STAG1: variants seen among roughly 807,000 people sequenced by gnomAD.
STAG1 encodes STAG1 cohesin complex component, also known as cohesin subunit SA-1.
A neutral mutation model predicts 170.9 loss-of-function variants in STAG1; 26 were observed. The observed-to-expected ratio is 0.15, with a 90% CI of 0.11 to 0.21. STAG1 has a LOEUF of 0.21. Ranked by LOEUF, STAG1 falls within the 10% of genes least tolerant of loss-of-function variation. The pLI is 1.00. For synonymous variants in STAG1, 514 were observed against 497.7 expected, an observed-to-expected ratio of 1.03 and a Z score of -0.44; for missense variants, 964 against 1,509.5, an observed-to-expected ratio of 0.64 and a Z score of 5.99.
chr3:136,554,458 T>C (rs1370425289), intron 5 of STAG1, among the ~76,000 whole-genome samples: 19 of 152,136 alleles, frequency 1.2e-4, no homozygotes, highest in Non-Finnish European at 2.6e-4. Context: ...TAAGGGCACA[T>C]GAAACATTAG....
At chr3:136,644,414 T>G (rs1940920194) in intron 1 of STAG1, among the ~76,000 whole-genome samples, 1 of 152,286 alleles carries the variant, frequency 6.6e-6, no homozygotes, top group Non-Finnish European at 1.5e-5. Flanking sequence ...GCAATCATCT[T>G]GATTAAATAT....
intron 9 of STAG1, chr3:136,499,771 C>T (rs1184577309): frequency 6.6e-6 from 1 of 150,610 alleles, no homozygotes; most frequent in Admixed American, 6.6e-5. Flanking sequence ...ACAGTTGTTG[C>T]ATTAACTGCG....
intron 24 of STAG1, among the ~76,000 whole-genome samples, chr3:136,367,605 A>T (rs1317964413): frequency 6.6e-6 from 1 of 152,172 alleles, no homozygotes; most frequent in Non-Finnish European, 1.5e-5. Flanking sequence ...TTATGTGTTA[A>T]TACATTCTCA....
rs2089677133 is a variant in STAG1, at chr3:136,473,653, T to A, written c.1027-16A>T. On this transcript the variant is annotated splice_polypyrimidine_tract_variant and intron_variant, in intron 10 of 33. Transcript: ENST00000383202. ...CTTCCCCTTGCTTCAGAAATACAAA[T>A]AAAAGCACAACAGAAGGAGTCAATT... The A allele has an allele frequency of 1.3e-6, 2 of 1,592,624 alleles. No homozygotes were observed. The highest frequency in any genetic ancestry group is 2.2e-5 in the South Asian group (2 of 90,308).
intron 1 of STAG1, among the ~76,000 whole-genome samples, chr3:136,637,453 T>C (rs1940611834): frequency 6.6e-6 from 1 of 152,168 alleles, no homozygotes; most frequent in Non-Finnish European, 1.5e-5. Flanking sequence ...GGGATAGCGA[T>C]GAGGTTCACT....
At chr3:136,354,754 CA>C in intron 28 of STAG1, among the ~76,000 whole-genome samples, 1 of 6,506 alleles carries the variant, frequency 1.5e-4, no homozygotes, top group Non-Finnish European at 2.4e-4. Flanking sequence ...GAGAAAGAAC[CA>C]AAAAAAAAAA....
intron 3 of STAG1, among the ~76,000 whole-genome samples, chr3:136,604,793 G>A (rs1346011157): frequency 1.3e-5 from 2 of 152,020 alleles, no homozygotes; most frequent in African/African-American, 4.8e-5. Flanking sequence ...TGAGATTACA[G>A]ACCCCACCAC....
At chr3:136,732,334 G>T (rs1934091014) in intron 1 of STAG1, among the ~76,000 whole-genome samples, 1 of 150,722 alleles carries the variant, frequency 6.6e-6, no homozygotes, top group South Asian at 2.1e-4. Context: ...ATTTTGTCTA[G>T]AGGTAACTTT....
chr3:136,591,549 T>C (rs1335881792), intron 4 of STAG1: 1 of 430,222 alleles, frequency 2.3e-6, no homozygotes, highest in Non-Finnish European at 4.6e-6. Flanking sequence ...GGTCAACATC[T>C]CTATTTGAAA....
intron 1 of STAG1, among the ~76,000 whole-genome samples, chr3:136,739,706 C>G (rs1934555559): frequency 6.6e-6 from 1 of 151,728 alleles, no homozygotes; most frequent in Non-Finnish European, 1.5e-5. Context: ...CACCTGTAGT[C>G]CCAGCTACTC....
chr3:136,700,881 T>TC (rs1423252045), intron 1 of STAG1, among the ~76,000 whole-genome samples: 10 of 132,842 alleles, frequency 7.5e-5, no homozygotes, highest in Admixed American at 6.0e-4. Flanking sequence ...TTTTTCTTTT[T>TC]TTTTTTTTTT....
chr3:136,630,269 T>C (rs1940279296), intron 2 of STAG1, among the ~76,000 whole-genome samples: 1 of 151,752 alleles, frequency 6.6e-6, no homozygotes, highest in African/African-American at 2.4e-5. Flanking sequence ...TGGGACGCCA[T>C]CAAAAATGTC....
chr3:136,548,026 T>G (rs1473180681), intron 5 of STAG1, among the ~76,000 whole-genome samples: 1 of 152,176 alleles, frequency 6.6e-6, no homozygotes, highest in Non-Finnish European at 1.5e-5. Context: ...AAAGGTAAGT[T>G]GTCCATACAT....
At chr3:136,662,559 C>T (rs979913560) in intron 1 of STAG1, among the ~76,000 whole-genome samples, 2 of 152,072 alleles carry the variant, frequency 1.3e-5, no homozygotes, top group Non-Finnish European at 2.9e-5. Context: ...ACTTCCCACA[C>T]CTCAGCCTCC....
chr3:136,374,953 T>C (rs1312641666), intron 23 of STAG1, among the ~76,000 whole-genome samples: 1 of 152,174 alleles, frequency 6.6e-6, no homozygotes, highest in Non-Finnish European at 1.5e-5. Context: ...TAGATATGTT[T>C]AGATATATAA....
chr3:136,549,547 T>C (rs922469315), intron 5 of STAG1, among the ~76,000 whole-genome samples: 1 of 152,132 alleles, frequency 6.6e-6, no homozygotes, highest in African/African-American at 2.4e-5. Flanking sequence ...GTGATCTGCC[T>C]GCCTCAGCCT....
At chr3:136,463,728 T>G (rs1302693063) in intron 13 of STAG1, among the ~76,000 whole-genome samples, 1 of 71,610 alleles carries the variant, frequency 1.4e-5, no homozygotes, top group Admixed American at 1.8e-4. Flanking sequence ...AAAAAAAAAA[T>G]GTGTATATGT....
intron 23 of STAG1, among the ~76,000 whole-genome samples, chr3:136,372,274 T>A (rs1467822489): frequency 6.6e-6 from 1 of 152,228 alleles, no homozygotes; most frequent in African/African-American, 2.4e-5. Context: ...TTTCTAAATA[T>A]ACAATCATGT....
chr3:136,379,925 GCTAAAATTTTGTGTAAAT>G (rs1937856001), intron 22 of STAG1, among the ~76,000 whole-genome samples: 1 of 152,122 alleles, frequency 6.6e-6, no homozygotes, highest in Non-Finnish European at 1.5e-5. Flanking sequence ...GCATAAGAGT[GCTAAAATTTTGTGTAAAT>G]GAATCATATT....
Sources: allele counts gnomAD v4.1 joint callset (sites outside exome capture counted in the v4.1 genomes callset), GRCh38; gene constraint gnomAD v4.1.1; transcripts MANE v1.5; gene names NCBI Gene and HGNC (gene_info 2026-07-23, HGNC 2026-07-21).